Variants in NDUFS4 observed in about 807,000 individuals in gnomAD.
The protein encoded by NDUFS4 is NADH dehydrogenase [ubiquinone] iron-sulfur protein 4, mitochondrial.
Under a neutral mutation model 24.3 loss-of-function variants are expected in NDUFS4, and 28 were observed. The ratio of observed to expected loss-of-function variants is 1.15; its 90% CI spans 0.85 to 1.58. NDUFS4 has a LOEUF of 1.58. Among genes scored for constraint, NDUFS4 ranks in the 40% most tolerant of loss-of-function variants. The probability of loss-of-function intolerance (pLI) is 0.00; values close to 1 mark genes in which losing one functional copy is unlikely to be tolerated. For missense variants in NDUFS4, 223 were observed against 207.9 expected (o/e 1.07, Z -0.45); for synonymous variants, 93 against 69.7 (o/e 1.34, Z -1.67).
intron 4 of NDUFS4, among the ~76,000 whole-genome samples, chr5:53,668,950 A>G (rs1752593362): frequency 6.6e-6 from 1 of 152,152 alleles, no homozygotes. Context: ...TGAGGTTTAG[A>G]GACATTATGT....
chr5:53,604,983 A>G, intron 2 of NDUFS4: 1 of 417,224 alleles, frequency 2.4e-6, no homozygotes, highest in Non-Finnish European at 4.8e-6. Context: ...GCACTTTGGG[A>G]GGCTGAGGCG....
intron 2 of NDUFS4, among the ~76,000 whole-genome samples, chr5:53,639,158 G>C (rs1751637318): frequency 6.6e-6 from 1 of 151,444 alleles, no homozygotes; most frequent in African/African-American, 2.4e-5. Flanking sequence ...ATCCTTTATT[G>C]CATTTTTTTT....
At chr5:53,628,456 G>T (rs1365046147) in intron 2 of NDUFS4, among the ~76,000 whole-genome samples, 4 of 152,178 alleles carry the variant, frequency 2.6e-5, no homozygotes, top group East Asian at 1.9e-4. Flanking sequence ...AGAAGGAATG[G>T]TATGAGCTCC....
intron 1 of NDUFS4, among the ~76,000 whole-genome samples, chr5:53,597,559 T>C (rs1278029380): frequency 6.6e-6 from 1 of 152,218 alleles, no homozygotes; most frequent in Non-Finnish European, 1.5e-5. Flanking sequence ...GATACTATTT[T>C]TCAGTGTAAT....
At chr5:53,578,609 A>G (rs186284874) in intron 1 of NDUFS4, among the ~76,000 whole-genome samples, 1 of 152,314 alleles carries the variant, frequency 6.6e-6, no homozygotes, top group East Asian at 1.9e-4. Context: ...CCTGTTCCGT[A>G]AAATGGACAT....
chr5:53,634,736 A>T (rs1432340678), intron 2 of NDUFS4, among the ~76,000 whole-genome samples: 2 of 151,964 alleles, frequency 1.3e-5, no homozygotes, highest in African/African-American at 4.8e-5. Context: ...TTACAGGCAT[A>T]TGCCACCTTA....
intron 1 of NDUFS4, among the ~76,000 whole-genome samples, chr5:53,597,127 A>G (rs1174021309): frequency 6.6e-6 from 1 of 152,090 alleles, no homozygotes; most frequent in Non-Finnish European, 1.5e-5. Flanking sequence ...TGTCCAACAT[A>G]CCTCACCCAC....
At chr5:53,620,792 A>G (rs567133031) in intron 2 of NDUFS4, among the ~76,000 whole-genome samples, 1 of 152,244 alleles carries the variant, frequency 6.6e-6, no homozygotes, top group East Asian at 1.9e-4. Context: ...TTCAAATTTA[A>G]TTCTGTAGTC....
chr5:53,671,218 G>T (rs1419926689), intron 4 of NDUFS4, among the ~76,000 whole-genome samples: 1 of 152,004 alleles, frequency 6.6e-6, no homozygotes, highest in Non-Finnish European at 1.5e-5. Context: ...CTCTACTCTT[G>T]TTTTTGAGAT....
intron 2 of NDUFS4, among the ~76,000 whole-genome samples, chr5:53,641,531 A>T (rs1751705602): frequency 6.6e-6 from 1 of 152,178 alleles, no homozygotes. Flanking sequence ...GGACTCCAAC[A>T]TCAATTTGTT....
At chr5:53,622,984 C>T (rs916344134) in intron 2 of NDUFS4, among the ~76,000 whole-genome samples, 8 of 152,118 alleles carry the variant, frequency 5.3e-5, no homozygotes, top group Admixed American at 5.2e-4. Flanking sequence ...ATAATAGTTC[C>T]ATTTTATGTG....
chr5:53,584,617 G>A (rs1163078358), intron 1 of NDUFS4, among the ~76,000 whole-genome samples: 3 of 152,042 alleles, frequency 2.0e-5, no homozygotes, highest in African/African-American at 7.2e-5. Context: ...TGGGATTACA[G>A]GCGTGAGCCA....
chr5:53,669,116 T>TTA (rs1207260438), intron 4 of NDUFS4, among the ~76,000 whole-genome samples: 1 of 152,136 alleles, frequency 6.6e-6, no homozygotes, highest in African/African-American at 2.4e-5. Flanking sequence ...CTAAAAATAA[T>TTA]TACTACTTGG....
chr5:53,573,736 G>GTACC (rs760102277), intron 1 of NDUFS4: 82 of 286,216 alleles, frequency 2.9e-4, no homozygotes, highest in Non-Finnish European at 5.0e-4. Flanking sequence ...CTATAGGCAT[G>GTACC]TACCACTAAG....
chr5:53,596,366 G>T lies in NDUFS4; in HGVS notation c.99-7086G>T, dbSNP rs56069975. 7.3e-3 allele frequency among the ~76,000 whole-genome samples: 1,108 copies of T among 152,258 alleles called. 13 individuals are homozygous for T. Among genetic ancestry groups the T allele is most frequent in the African/African-American group, 0.025 (1,057 of 41,536 alleles). On this transcript the variant is annotated intron_variant, in intron 1 of 4. Coordinates refer to ENST00000296684, the MANE Select transcript of NDUFS4 (RefSeq NM_002495.4). ...GAGGATCGCTTGAGCCAAGGAGGTCGTGGTTGCAGTGAGCCATGATTGTGC... is the reference window on the plus strand; with the variant it reads ...GAGGATCGCTTGAGCCAAGGAGGTCTTGGTTGCAGTGAGCCATGATTGTGC...
chr5:53,606,555 C>T lies in NDUFS4; in HGVS notation c.177+3025C>T, dbSNP rs143289923. ...CTAGTTTTTGTACTTTTAGTAGAGA[C>T]GGTTTCACCCTGTTGGCCAGGCTGG... On this transcript the variant is annotated intron_variant, in intron 2 of 4. Coordinates refer to ENST00000296684, the MANE Select transcript of NDUFS4 (RefSeq NM_002495.4). Among the ~76,000 whole-genome samples the T allele has an allele frequency of 3.2e-3, 481 of 152,236 alleles. 4 individuals carry two copies. Among genetic ancestry groups the T allele is most frequent in the African/African-American group, 0.011 (442 of 41,550 alleles).
chr5:53,637,608 G>A (rs1751595272), intron 2 of NDUFS4, among the ~76,000 whole-genome samples: 1 of 151,956 alleles, frequency 6.6e-6, no homozygotes, highest in South Asian at 2.1e-4. Context: ...AAGCTGTATA[G>A]ATAGCTTAAA....
At chr5:53,653,362 T>C (rs1333475909) in intron 3 of NDUFS4, among the ~76,000 whole-genome samples, 1 of 152,178 alleles carries the variant, frequency 6.6e-6, no homozygotes, top group Non-Finnish European at 1.5e-5. Context: ...TTCTTTTGAT[T>C]ATGAGTAAGT....
At chr5:53,605,496 A>AGACAGAC (rs1750470708) in intron 2 of NDUFS4, among the ~76,000 whole-genome samples, 1 of 152,208 alleles carries the variant, frequency 6.6e-6, no homozygotes, top group Non-Finnish European at 1.5e-5. Context: ...CAAGAGAGGT[A>AGACAGAC]GACAGACTGG....
Sources: allele counts gnomAD v4.1 joint callset (sites outside exome capture counted in the v4.1 genomes callset), GRCh38; gene constraint gnomAD v4.1.1; transcripts MANE v1.5; gene names NCBI Gene and HGNC (gene_info 2026-07-23, HGNC 2026-07-21).